Variants in MDGA2 observed in about 807,000 individuals in gnomAD.
The protein encoded by MDGA2 is MAM domain-containing glycosylphosphatidylinositol anchor protein 2.
In MDGA2, 40 loss-of-function variants were observed where a neutral mutation model predicts 117.8. The ratio of observed to expected loss-of-function variants is 0.34; its 90% CI spans 0.26 to 0.44. The LOEUF is 0.44. MDGA2 is among the 20% of genes least tolerant of loss of function. The pLI is 1.00. For synonymous variants in MDGA2, 452 were observed against 439.0 expected, an observed-to-expected ratio of 1.03 and a Z score of -0.37; for missense variants, 1,123 against 1,250.6, an observed-to-expected ratio of 0.90 and a Z score of 1.54.
intron 7 of MDGA2, among the ~76,000 whole-genome samples, chr14:47,051,469 C>T (rs1889455036): frequency 6.6e-6 from 1 of 151,780 alleles, no homozygotes; most frequent in Admixed American, 6.6e-5. Context: ...CTTTTCCAAA[C>T]CTCACTGATA....
chr14:47,067,168 G>C (rs1346837313), intron 6 of MDGA2, among the ~76,000 whole-genome samples: 1 of 152,034 alleles, frequency 6.6e-6, no homozygotes, highest in Non-Finnish European at 1.5e-5. Flanking sequence ...TTTGAAAATT[G>C]ACTATATGAA....
At chr14:46,868,555 G>T (rs1030139787) in intron 14 of MDGA2, among the ~76,000 whole-genome samples, 1 of 151,958 alleles carries the variant, frequency 6.6e-6, no homozygotes, top group Non-Finnish European at 1.5e-5. Context: ...ATATCCTTGA[G>T]GTCCTGTTAC....
chr14:47,534,428 T>C (rs1359699943), intron 1 of MDGA2, among the ~76,000 whole-genome samples: 1 of 152,148 alleles, frequency 6.6e-6, no homozygotes, highest in Non-Finnish European at 1.5e-5. Context: ...AGAGGTTTAA[T>C]TGACTCACAG....
At chr14:47,357,151 A>C (rs17118395) in intron 1 of MDGA2, among the ~76,000 whole-genome samples, 2 of 152,164 alleles carry the variant, frequency 1.3e-5, no homozygotes, top group African/African-American at 4.8e-5. Context: ...TGTTGTACAT[A>C]ATGTAATATA....
intron 9 of MDGA2, among the ~76,000 whole-genome samples, chr14:46,929,329 A>T (rs1364960854): frequency 6.6e-6 from 1 of 151,896 alleles, no homozygotes; most frequent in African/African-American, 2.4e-5. Context: ...CCCTGTGCTA[A>T]TTTGAATGAT....
chr14:46,893,252 T>C (rs555340949), intron 10 of MDGA2, among the ~76,000 whole-genome samples: 2 of 151,758 alleles, frequency 1.3e-5, no homozygotes, highest in South Asian at 4.1e-4. Flanking sequence ...CAGAAATAAA[T>C]AAGAGTGCAT....
In MDGA2 at chr14:47,577,280, A is replaced by G. The variant is rs1207763505; in HGVS notation, c.280+97237T>C. On this transcript the variant is annotated intron_variant, in intron 1 of 16. Coordinates refer to ENST00000399232, the MANE Select transcript of MDGA2 (RefSeq NM_001113498.3). ...CCTTACACCTCATACATTTTATATA[A>G]AAATTAACTCCAGATGGGTTAAAGA... 4.6e-5 allele frequency among the ~76,000 whole-genome samples: 7 copies of G among 152,138 alleles called. No individual in the cohort carries two copies. The East Asian group carries it at 1.3e-3, about 29-fold the overall frequency.
Position 47,322,421 on chromosome 14 carries a change from T to A in MDGA2, c.281-20871A>T, listed in dbSNP as rs759719802. On this transcript the variant is annotated intron_variant, in intron 1 of 16. Transcript: ENST00000399232. ...TCATTTCGTGCTTTATTATTATTAT[T>A]ATTTTAATATCAGTGCTTTCTAGCA... Among the ~76,000 whole-genome samples the A allele has an allele frequency of 2.6e-5, 4 of 152,188 alleles. No homozygotes were observed. In the South Asian group the frequency reaches 8.3e-4, roughly 31 times the overall value.
At chr14:47,644,361 T>C (rs1566556205) in intron 1 of MDGA2, among the ~76,000 whole-genome samples, 1 of 152,216 alleles carries the variant, frequency 6.6e-6, no homozygotes, top group Non-Finnish European at 1.5e-5. Context: ...ATGTGATATA[T>C]ATACAAAATG....
rs551323073 is a variant in MDGA2 at position 46,968,065 on chromosome 14, C to T, written c.1820-10422G>A. 2.6e-5 allele frequency among the ~76,000 whole-genome samples: 4 copies of T among 152,270 alleles called. No individual in the cohort carries two copies. In the East Asian group the frequency reaches 7.7e-4, roughly 29 times the overall value. ...CCTCCAGACTAACACAGAAAGCTGC[C>T]TAGATATTATGTAGAGGAATTGCTC... On this transcript the variant is annotated intron_variant, in intron 8 of 16. Transcript: ENST00000399232.
chr14:47,117,605 A>G (rs1881400764), intron 5 of MDGA2, among the ~76,000 whole-genome samples: 1 of 152,190 alleles, frequency 6.6e-6, no homozygotes, highest in African/African-American at 2.4e-5. Flanking sequence ...ATGTGACAAA[A>G]TAGATGAGCC....
chr14:46,948,862 C>T (rs1885267530), intron 9 of MDGA2, among the ~76,000 whole-genome samples: 1 of 152,012 alleles, frequency 6.6e-6, no homozygotes, highest in South Asian at 2.1e-4. Flanking sequence ...TACCACACTT[C>T]TTTTCCAACC....
At chr14:46,857,805 C>T (rs990570441) in intron 14 of MDGA2, among the ~76,000 whole-genome samples, 6 of 151,952 alleles carry the variant, frequency 3.9e-5, no homozygotes, top group African/African-American at 1.5e-4. Context: ...CAGGGGCACC[C>T]CAACATGCCT....
At chr14:46,981,372 C>G (rs936845692) in intron 8 of MDGA2, among the ~76,000 whole-genome samples, 7 of 151,906 alleles carry the variant, frequency 4.6e-5, no homozygotes, top group Admixed American at 1.3e-4. Flanking sequence ...CCACTGCACT[C>G]CAGCCTGGGT....
At chr14:47,387,956 A>T (rs931395675) in intron 1 of MDGA2, among the ~76,000 whole-genome samples, 2 of 152,294 alleles carry the variant, frequency 1.3e-5, no homozygotes, top group East Asian at 3.9e-4. Flanking sequence ...TTGGCTAGTA[A>T]ATCTCACTTT....
intron 1 of MDGA2, among the ~76,000 whole-genome samples, chr14:47,312,254 G>C (rs891021132): frequency 2.6e-5 from 4 of 152,074 alleles, no homozygotes; most frequent in African/African-American, 4.8e-5. Flanking sequence ...ATTCACATAT[G>C]TGGCAATGTG....
intron 1 of MDGA2, among the ~76,000 whole-genome samples, chr14:47,415,710 GAAC>G (rs1892461952): frequency 6.6e-6 from 1 of 152,056 alleles, no homozygotes; most frequent in Admixed American, 6.6e-5. Context: ...TATTTATAAA[GAAC>G]AACAATTTAT....
At chr14:47,317,107 C>T (rs1308175774) in intron 1 of MDGA2, among the ~76,000 whole-genome samples, 2 of 152,158 alleles carry the variant, frequency 1.3e-5, no homozygotes, top group Non-Finnish European at 1.5e-5. Context: ...ACACATGATC[C>T]TAATTCAGAT....
intron 7 of MDGA2, among the ~76,000 whole-genome samples, chr14:47,056,667 G>A (rs959364080): frequency 1.3e-5 from 2 of 152,124 alleles, no homozygotes; most frequent in Non-Finnish European, 2.9e-5. Flanking sequence ...GTCATGCAAA[G>A]AAATAAGTGC....
Sources: allele counts gnomAD v4.1 joint callset (sites outside exome capture counted in the v4.1 genomes callset), GRCh38; gene constraint gnomAD v4.1.1; transcripts MANE v1.5; gene names NCBI Gene and HGNC (gene_info 2026-07-23, HGNC 2026-07-21).